The following INSR variants were observed in gnomAD, a reference collection of about 807,000 sequenced individuals.
The protein encoded by INSR is insulin receptor.
Under a neutral mutation model 142.6 loss-of-function variants are expected in INSR, and 67 were observed. The ratio of observed to expected loss-of-function variants is 0.47; its 90% CI spans 0.39 to 0.58. INSR has a LOEUF of 0.58. Ranked by LOEUF, INSR falls within the 20% of genes least tolerant of loss-of-function variation. The pLI, the probability that INSR is intolerant of heterozygous loss-of-function variation, is 0.00. For synonymous variants in INSR, 756 were observed against 743.1 expected (o/e 1.02, Z -0.28); for missense variants, 1,248 against 1,833.2 (o/e 0.68, Z 5.83).
intron 8 of INSR, 90 bp from the exon 9 acceptor site, chr19:7,163,289 A>G (rs1357409945): frequency 7.7e-7 from 1 of 1,302,042 alleles, no homozygotes. Context: ...CAAGTTAAAG[A>G]CATCATGAGG....
chr19:7,126,734 C>G (rs1972656534), intron 15 of INSR, 83 bp from the exon 16 acceptor site: 1 of 1,219,724 alleles, frequency 8.2e-7, no homozygotes, highest in Non-Finnish European at 1.2e-6. Flanking sequence ...CTCCCCAAGG[C>G]AAATGGCAGC....
At position 7,122,534 on chromosome 19, in the gene INSR, C is replaced by T. The variant is rs767459964; in HGVS notation, c.3529+80G>A. 218 of 1,434,494 alleles carry T rather than the reference C, an allele frequency of 1.5e-4. 1 individual carries two copies. Among genetic ancestry groups the T allele is most frequent in the Admixed American group, 4.7e-4 (28 of 59,718 alleles). The allele number at this position is 1,434,494 out of a possible 1,614,324, so 88.9% of individuals were successfully genotyped here. ...CTTTATATTATCAGAAAAGACTTAA[C>T]GGCTCATTATAGACAACTTCCTTCT... On this transcript the variant is annotated intron_variant, in intron 19 of 21. Coordinates refer to ENST00000302850, the MANE Select transcript of INSR (RefSeq NM_000208.4).
At position 7,159,321 on chromosome 19, in the gene INSR, C is replaced by T. The variant is rs1156759420; in HGVS notation, c.2029+3711G>A. 2 of 152,252 alleles carry T rather than the reference C, an allele frequency of 1.3e-5. No individual in the cohort carries two copies. The highest frequency in any genetic ancestry group is 2.9e-5 in the Non-Finnish European group (2 of 68,128). 9.4% of individuals were successfully genotyped at this position (152,252 alleles called of 1,614,324 possible). ...CATCTTCCCAAACTGAAACTCTGTC[C>T]TCAACCCGTCCCCTCCGCAGTCCCT... On this transcript the variant is annotated intron_variant, in intron 9 of 21. Transcript: ENST00000302850. The surrounding 1 kb of genome is among the most constrained non-coding windows in gnomAD (Gnocchi z 4.3).
At chr19:7,226,508 T>C (rs941600170) in intron 2 of INSR, among the ~76,000 whole-genome samples, 1 of 151,444 alleles carries the variant, frequency 6.6e-6, no homozygotes, top group Non-Finnish European at 1.5e-5. Flanking sequence ...GGAGAGTTGC[T>C]TGAGCCTGAG....
At chr19:7,212,323 G>A (rs1287321828) in intron 2 of INSR, among the ~76,000 whole-genome samples, 3 of 152,154 alleles carry the variant, frequency 2.0e-5, no homozygotes, top group African/African-American at 7.2e-5. Context: ...GGGGGCTCCA[G>A]CACCCCATTC....
intron 3 of INSR, among the ~76,000 whole-genome samples, chr19:7,178,301 C>T (rs954646983): frequency 2.7e-5 from 4 of 150,566 alleles, no homozygotes; most frequent in Non-Finnish European, 5.9e-5. Flanking sequence ...AAAGAACAAC[C>T]CTGTGATCAG....
At chr19:7,197,295 G>A (rs890848964) in intron 2 of INSR, among the ~76,000 whole-genome samples, 12 of 152,128 alleles carry the variant, frequency 7.9e-5, no homozygotes, top group African/African-American at 2.7e-4. Context: ...CGCTTCGGGA[G>A]CCGCAGGCTT....
intron 11 of INSR, among the ~76,000 whole-genome samples, chr19:7,144,054 C>CAA (rs111357856): frequency 0.01 from 1,005 of 96,366 alleles, 24 homozygotes; most frequent in East Asian, 0.091. Context: ...GACTCTGTCT[C>CAA]AAAAAAAAAA....
In INSR at chr19:7,119,764, A is replaced by ATG. The variant is rs371272167; in HGVS notation, c.3660-182_3660-181insCA. On this transcript the variant is annotated intron_variant, in intron 20 of 21. Coordinates refer to ENST00000302850, the MANE Select transcript of INSR (RefSeq NM_000208.4). The surrounding 1 kb of genome is among the most constrained non-coding windows in gnomAD (Gnocchi z 5.2). ...CACGTGCACACACATGCAAATACAC[A>ATG]CAAACACGCATGCGCACACATGCAC... Among the ~76,000 whole-genome samples the ATG allele has an allele frequency of 1.5e-5, 2 of 133,086 alleles. No homozygotes were observed. The highest frequency in any genetic ancestry group is 6.2e-5 in the African/African-American group (2 of 32,038). The allele number at this position is 133,086 out of a possible 152,430, so 87.3% of individuals were successfully genotyped here.
rs1198827798 is a variant in INSR at position 7,192,055 on chromosome 19, AGAAAGAAAGAAG to A, written c.653-7430_653-7419del. Among the ~76,000 whole-genome samples the A allele has an allele frequency of 6.6e-6, 1 of 150,440 alleles. No individual in the cohort carries two copies. Among genetic ancestry groups the A allele is most frequent in the Non-Finnish European group, 1.5e-5 (1 of 67,562 alleles). On this transcript the variant is annotated intron_variant, in intron 2 of 21. Coordinates refer to ENST00000302850, the MANE Select transcript of INSR (RefSeq NM_000208.4). This position sits in a 1 kb window ranked among gnomAD's most constrained non-coding sequence, Gnocchi z 4.2. The stretch of plus-strand genomic sequence containing the variant: ...GAAAGAAAGAGGCAGGAAGGGAGGG[AGAAAGAAAGAAG>A]GAAAGAAAGAGAGAAAGAAGAAAGA...
intron 2 of INSR, among the ~76,000 whole-genome samples, chr19:7,210,610 G>A (rs988217602): frequency 1.3e-5 from 2 of 152,000 alleles, no homozygotes; most frequent in African/African-American, 4.8e-5. Context: ...GCAGATTCTT[G>A]GAACCAGGGT....
intron 9 of INSR, among the ~76,000 whole-genome samples, chr19:7,161,268 T>C (rs913120377): frequency 1.3e-5 from 2 of 151,424 alleles, no homozygotes; most frequent in Non-Finnish European, 2.9e-5. Flanking sequence ...TAATTTTTTT[T>C]ATATATATAG....
intron 17 of INSR, among the ~76,000 whole-genome samples, chr19:7,123,506 C>T (rs1406963625): frequency 6.6e-6 from 1 of 152,058 alleles, no homozygotes; most frequent in Admixed American, 6.6e-5. Context: ...CTCTCTGTTC[C>T]CTGCCACATC....
In INSR at chr19:7,119,726, A is replaced by G. The variant is rs1004204888; in HGVS notation, c.3660-143T>C. ...TACATGCAAACACACACATGCAAAC[A>G]CACACGCACATACACGTGCACACAC... On this transcript the variant is annotated intron_variant, in intron 20 of 21. Coordinates refer to ENST00000302850, the MANE Select transcript of INSR (RefSeq NM_000208.4). The surrounding 1 kb of genome is among the most constrained non-coding windows in gnomAD (Gnocchi z 5.2). 1.4e-4 allele frequency: 131 copies of G among 907,976 alleles called. No individual in the cohort carries two copies. The highest frequency in any genetic ancestry group is 2.2e-4 in the Non-Finnish European group (126 of 568,552). 56.2% of individuals were successfully genotyped at this position (907,976 alleles called of 1,614,324 possible). A position where few individuals can be genotyped will look rare whatever the true frequency, so the allele number is the denominator to read the frequency against.
At position 7,168,172 on chromosome 19, in the gene INSR, C is replaced by T. The variant is rs1973930780; in HGVS notation, c.1484-78G>A. On this transcript the variant is annotated intron_variant, in intron 6 of 21. Coordinates refer to ENST00000302850, the MANE Select transcript of INSR (RefSeq NM_000208.4). The surrounding 1 kb of genome is among the most constrained non-coding windows in gnomAD (Gnocchi z 4.3). ...ACCAAAGCCTGGGACCCCCACACTT[C>T]CTGGAGGGACCGTGAGAAGGCAGAG... The T allele has an allele frequency of 1.4e-5, 20 of 1,447,136 alleles. No individual in the cohort carries two copies. Among genetic ancestry groups the T allele is most frequent in the Non-Finnish European group, 1.9e-5 (20 of 1,034,448 alleles). The allele number at this position is 1,447,136 out of a possible 1,614,324, so 89.6% of individuals were successfully genotyped here.
intron 2 of INSR, among the ~76,000 whole-genome samples, chr19:7,200,389 G>A (rs1327266914): frequency 1.3e-5 from 2 of 152,134 alleles, no homozygotes; most frequent in African/African-American, 2.4e-5. Flanking sequence ...AAAGACAGGT[G>A]CTCACATGTG....
rs1452195854 is a variant in INSR at position 7,150,024 on chromosome 19, G to C, written c.2267+473C>G. Among the ~76,000 whole-genome samples the C allele has an allele frequency of 6.6e-6, 1 of 151,970 alleles. No homozygotes were observed. The highest frequency in any genetic ancestry group is 2.4e-5 in the African/African-American group (1 of 41,340). ...CTCTCCTCCGTGGAATTCAGTGAGCGACACGGTGTTCTTTTGTTCATACCC... is the reference window on the plus strand; with the variant it reads ...CTCTCCTCCGTGGAATTCAGTGAGCCACACGGTGTTCTTTTGTTCATACCC... On this transcript the variant is annotated intron_variant, in intron 11 of 21. Transcript: ENST00000302850. The surrounding 1 kb of genome is among the most constrained non-coding windows in gnomAD (Gnocchi z 4.2).
chr19:7,195,932 T>TA (rs1491559273), intron 2 of INSR, among the ~76,000 whole-genome samples: 2 of 52,734 alleles, frequency 3.8e-5, no homozygotes, highest in East Asian at 7.8e-4. Flanking sequence ...CTTTTCTTTC[T>TA]TTTTTTTTTT....
intron 1 of INSR, among the ~76,000 whole-genome samples, chr19:7,272,559 A>C (rs1967955175): frequency 1.3e-5 from 2 of 152,164 alleles, no homozygotes; most frequent in African/African-American, 4.8e-5. Context: ...CGGACGTTGC[A>C]GTGAGCTGAG....
Sources: gnomAD v4.1 joint callset for allele counts (sites outside exome capture counted in the v4.1 genomes callset) on GRCh38, gnomAD v4.1.1 for gene constraint, Gnocchi (gnomAD v3.1) non-coding constraint, MANE v1.5 for transcripts, NCBI Gene and HGNC (gene_info 2026-07-23, HGNC 2026-07-21) for gene names.